MADD: variants seen among roughly 807,000 people sequenced by gnomAD.
MADD encodes MAP kinase-activating death domain protein.
MADD carries 109 observed loss-of-function variants against 176.7 expected under a neutral mutation model. The ratio of observed to expected loss-of-function variants is 0.62; its 90% CI spans 0.53 to 0.72. The LOEUF (loss-of-function observed/expected upper bound fraction) is 0.72. Among genes scored for constraint, MADD ranks in the 30% least tolerant of loss-of-function variants. MADD has a pLI of 0.00. For missense variants in MADD, 1,914 were observed against 2,045.5 expected (o/e 0.94, Z 1.24); for synonymous variants, 771 against 771.3 (o/e 1.00, Z 0.01).
intron 26 of MADD, among the ~76,000 whole-genome samples, chr11:47,314,157 C>T (rs1002795905): frequency 4.6e-5 from 7 of 151,858 alleles, no homozygotes; most frequent in African/African-American, 1.7e-4. Context: ...GGGAGGATCA[C>T]TTGAGCTCAG....
chr11:47,282,756 G>A (rs562520644), intron 9 of MADD, 57 bp from the exon 10 acceptor site: 121 of 1,601,242 alleles, frequency 7.6e-5, no homozygotes, highest in African/African-American at 7.2e-4. Context: ...TCTTTCAGGC[G>A]TTGCTTGCCT....
intron 5 of MADD, among the ~76,000 whole-genome samples, chr11:47,277,338 G>A (rs1395416763): frequency 6.6e-6 from 1 of 152,140 alleles, no homozygotes; most frequent in African/African-American, 2.4e-5. Flanking sequence ...TATCCCCCAG[G>A]CTGGAGTACA....
chr11:47,277,125 C>T (rs569127760), intron 5 of MADD, among the ~76,000 whole-genome samples: 1 of 152,202 alleles, frequency 6.6e-6, no homozygotes, highest in African/African-American at 2.4e-5. Context: ...ACAGTAGTTC[C>T]TCCTTATCTG....
At chr11:47,323,808 C>T (rs1207540330) in exon 28 of MADD, 8 of 1,614,010 alleles carry the variant, frequency 5.0e-6, no homozygotes, top group Non-Finnish European at 5.1e-6. Context: ...GCTCTGAGAC[C>T]CAGCTCAACA....
chr11:47,315,073 G>A (rs1565525971), intron 26 of MADD, 147 bp from the exon 30 acceptor site: 3 of 464,120 alleles, frequency 6.5e-6, no homozygotes, highest in Non-Finnish European at 1.2e-5. Flanking sequence ...CAAAACATCT[G>A]AAACCACTTC....
Position 47,290,060 on chromosome 11 carries a change from G to A in MADD, c.2943+7G>A, listed in dbSNP as rs765616889. ...GGACATCATCCCGGATGTGGTCAGT[G>A]TTGGGGGTAGGGAATCGGAGTAACT... is the stretch of plus-strand genomic sequence containing the variant. On this transcript the variant is annotated splice_region_variant and intron_variant, in intron 17 of 32. Transcript: ENST00000402192. 9.9e-6 allele frequency: 16 copies of A among 1,613,382 alleles called. No homozygotes were observed. The South Asian group carries it at 1.8e-4, about 18-fold the overall frequency.
chr11:47,296,757 TTTTGTTG>T (rs2072448279), intron 22 of MADD, among the ~76,000 whole-genome samples: 2 of 144,832 alleles, frequency 1.4e-5, no homozygotes, highest in Non-Finnish European at 3.0e-5. Context: ...GACATCTGTT[TTTTGTTG>T]TTTTTTTTTT....
intron 31 of MADD, 115 bp downstream of exon 35, chr11:47,326,922 G>C: frequency 6.0e-6 from 9 of 1,499,800 alleles, no homozygotes; most frequent in Non-Finnish European, 8.0e-6. Context: ...GAGAAGTCAG[G>C]AGGAGCAGGA....
chr11:47,278,522 A>G (rs2052786181), intron 6 of MADD, among the ~76,000 whole-genome samples: 1 of 152,174 alleles, frequency 6.6e-6, no homozygotes, highest in Non-Finnish European at 1.5e-5. Context: ...ACCCCCCACC[A>G]TATCCTCCAA....
intron 10 of MADD, among the ~76,000 whole-genome samples, chr11:47,283,421 CAG>C (rs2058460627): frequency 6.6e-6 from 1 of 151,674 alleles, no homozygotes; most frequent in African/African-American, 2.4e-5. Context: ...ATGTATGTGA[CAG>C]AGTCTTGCTG....
intron 27 of MADD, among the ~76,000 whole-genome samples, chr11:47,318,435 G>C (rs997862744): frequency 1.3e-5 from 2 of 152,192 alleles, no homozygotes; most frequent in Admixed American, 6.5e-5. Flanking sequence ...TAAAGTGTTA[G>C]AATTTGGCTA....
intron 22 of MADD, among the ~76,000 whole-genome samples, chr11:47,307,060 C>T (rs948304926): frequency 6.8e-6 from 1 of 146,424 alleles, no homozygotes; most frequent in African/African-American, 2.6e-5. Context: ...CACCATCCCT[C>T]CTGGCTGAGA....
chr11:47,295,447 C>CT, intron 20 of MADD, 49 bp from the exon 23 acceptor site: 1 of 1,430,230 alleles, frequency 7.0e-7, no homozygotes, highest in Non-Finnish European at 9.9e-7. Context: ...CTGTGGGAAA[C>CT]TGAGAGGAGA....
At chr11:47,315,449 A>T (rs1234791558) in intron 27 of MADD, 122 bp downstream of exon 30, 1 of 578,646 alleles carries the variant, frequency 1.7e-6, no homozygotes, top group Non-Finnish European at 3.1e-6. Flanking sequence ...TTTATCATTA[A>T]ATTATCAGAT....
At chr11:47,297,259 C>T (rs2073279834) in intron 22 of MADD, among the ~76,000 whole-genome samples, 2 of 152,072 alleles carry the variant, frequency 1.3e-5, no homozygotes, top group Admixed American at 1.3e-4. Flanking sequence ...TCATTCCCAC[C>T]CCCAGAGCCT....
intron 19 of MADD, 80 bp from the exon 22 acceptor site, chr11:47,293,792 TCTGGGAACAGC>T (rs1373515079): frequency 1.4e-5 from 11 of 812,940 alleles, no homozygotes; most frequent in Non-Finnish European, 2.1e-5. Flanking sequence ...GCTGAACGGG[TCTGGGAACAGC>T]CTGTGCTGCC....
At chr11:47,329,187 C>T (rs375335270) in exon 33 of MADD, 138 of 1,484,716 alleles carry the variant, frequency 9.3e-5, no homozygotes, top group South Asian at 1.4e-4. Flanking sequence ...GCCCAGGGCA[C>T]GCCCCTGGCC....
At chr11:47,289,578 G>T in intron 16 of MADD, 85 bp downstream of exon 17, 1 of 1,123,048 alleles carries the variant, frequency 8.9e-7, no homozygotes. Flanking sequence ...CTCAAGAGTG[G>T]GAGAGAAGCT....
intron 1 of MADD, chr11:47,271,106 G>C (rs1962640307): frequency 6.6e-6 from 1 of 152,204 alleles, no homozygotes; most frequent in Admixed American, 6.5e-5. Context: ...GGTGATGTCG[G>C]ACTTCAGCAG....
Sources: gnomAD v4.1 joint callset for allele counts (sites outside exome capture counted in the v4.1 genomes callset) on GRCh38, gnomAD v4.1.1 for gene constraint, MANE v1.5 for transcripts, NCBI Gene and HGNC (gene_info 2026-07-23, HGNC 2026-07-21) for gene names.